Variants in CDKAL1 observed in about 807,000 individuals in gnomAD.
The protein encoded by CDKAL1 is threonylcarbamoyladenosine tRNA methylthiotransferase.
Under a neutral mutation model 68.2 loss-of-function variants are expected in CDKAL1, and 32 were observed. The observed-to-expected ratio is 0.47, with a 90% confidence interval of 0.35 to 0.63. The LOEUF is 0.63. Ranked by LOEUF, CDKAL1 falls within the 30% of genes least tolerant of loss-of-function variation. CDKAL1 has a pLI of 0.00. For missense variants in CDKAL1, 606 were observed against 696.7 expected, an observed-to-expected ratio of 0.87 and a Z score of 1.47; for synonymous variants, 234 against 244.3, an observed-to-expected ratio of 0.96 and a Z score of 0.39.
chr6:21,171,090 A>C (rs1777366158), intron 13 of CDKAL1, among the ~76,000 whole-genome samples: 1 of 152,226 alleles, frequency 6.6e-6, no homozygotes, highest in African/African-American at 2.4e-5. Flanking sequence ...GAAACAATAA[A>C]AAAATAATTA....
intron 13 of CDKAL1, among the ~76,000 whole-genome samples, chr6:21,145,940 C>A (rs1776144995): frequency 1.3e-5 from 2 of 152,146 alleles, no homozygotes; most frequent in Admixed American, 1.3e-4. Context: ...TGGCTGATTC[C>A]ATAGTTCAGT....
intron 9 of CDKAL1, among the ~76,000 whole-genome samples, chr6:20,896,242 A>G (rs1028653392): frequency 2.0e-5 from 3 of 151,472 alleles, no homozygotes; most frequent in Non-Finnish European, 4.4e-5. Context: ...CTGAGACTAC[A>G]GGCTCCGCCA....
intron 4 of CDKAL1, among the ~76,000 whole-genome samples, chr6:20,611,270 G>GGA (rs1422529913): frequency 3.3e-5 from 5 of 152,136 alleles, no homozygotes; most frequent in Non-Finnish European, 7.4e-5. Flanking sequence ...AAGGTTTTAA[G>GGA]TTTGTCCTTA....
chr6:20,730,312 G>GAAAGA (rs1772850856), intron 5 of CDKAL1, among the ~76,000 whole-genome samples: 1 of 141,242 alleles, frequency 7.1e-6, no homozygotes, highest in Non-Finnish European at 1.5e-5. Context: ...GAAAGAAAGA[G>GAAAGA]AAAGAAAAGA....
chr6:21,046,670 G>A (rs1770248212), intron 11 of CDKAL1, among the ~76,000 whole-genome samples: 1 of 152,176 alleles, frequency 6.6e-6, no homozygotes, highest in Admixed American at 6.5e-5. Flanking sequence ...AAGTGACAGG[G>A]CCTTCACATA....
At chr6:21,140,582 A>G (rs1055049773) in intron 13 of CDKAL1, among the ~76,000 whole-genome samples, 1 of 152,184 alleles carries the variant, frequency 6.6e-6, no homozygotes. Flanking sequence ...TCAAGGGGCT[A>G]TATGGAAATA....
chr6:20,551,238 A>G (rs1268262903), intron 4 of CDKAL1, among the ~76,000 whole-genome samples: 1 of 152,000 alleles, frequency 6.6e-6, no homozygotes, highest in African/African-American at 2.4e-5. Flanking sequence ...GCTCCTGACC[A>G]TTGTTCTGTA....
At chr6:20,963,654 T>C (rs1327850333) in intron 10 of CDKAL1, among the ~76,000 whole-genome samples, 1 of 152,246 alleles carries the variant, frequency 6.6e-6, no homozygotes, top group Non-Finnish European at 1.5e-5. Flanking sequence ...GTGCCAGGTG[T>C]ATTTTCTGGG....
chr6:20,731,687 G>C (rs1323312675), intron 5 of CDKAL1, among the ~76,000 whole-genome samples: 1 of 152,154 alleles, frequency 6.6e-6, no homozygotes, highest in Non-Finnish European at 1.5e-5. Flanking sequence ...TAGAGAAGTG[G>C]AAACATGTGT....
chr6:20,642,104 A>G (rs938149042), intron 4 of CDKAL1, among the ~76,000 whole-genome samples: 4 of 152,186 alleles, frequency 2.6e-5, no homozygotes, highest in African/African-American at 7.2e-5. Context: ...TGCGAGATCA[A>G]TGTATATCAG....
rs745786047 is a variant in CDKAL1, at chr6:20,603,768, A to ATTTTTTTTTT, written c.287-45508_287-45499dup. ...ACATTGATTAATGGGCAGTTGCTAA[A>ATTTTTTTTTT]TTTTTTTTTTTTTTTTTTTTTTTTT... On this transcript the variant is annotated intron_variant, in intron 4 of 15. Coordinates refer to ENST00000274695, the MANE Select transcript of CDKAL1 (RefSeq NM_017774.3). Among the ~76,000 whole-genome samples the ATTTTTTTTTT allele has an allele frequency of 8.7e-3, 737 of 85,188 alleles. 96 individuals are homozygous for ATTTTTTTTTT. The highest frequency in any genetic ancestry group is 0.032 in the African/African-American group (692 of 21,326). 55.9% of individuals were successfully genotyped at this position (85,188 alleles called of 152,430 possible).
intron 8 of CDKAL1, among the ~76,000 whole-genome samples, chr6:20,796,033 A>G (rs1776096646): frequency 6.6e-6 from 1 of 152,210 alleles, no homozygotes; most frequent in African/African-American, 2.4e-5. Context: ...AATGTTAGAT[A>G]TACCAGGGCC....
intron 5 of CDKAL1, among the ~76,000 whole-genome samples, chr6:20,734,375 G>C (rs1229571503): frequency 6.6e-6 from 1 of 152,028 alleles, no homozygotes; most frequent in Non-Finnish European, 1.5e-5. Flanking sequence ...GCTATCTGAA[G>C]TGAAGAAATG....
intron 13 of CDKAL1, 83 bp from the exon 14 acceptor site, chr6:21,197,938 C>T: frequency 1.3e-6 from 1 of 785,564 alleles, no homozygotes. Flanking sequence ...CCAGACCTAC[C>T]TGGGCTAGCC....
At chr6:20,863,349 A>C (rs1759745506) in intron 9 of CDKAL1, among the ~76,000 whole-genome samples, 2 of 152,220 alleles carry the variant, frequency 1.3e-5, no homozygotes, top group Non-Finnish European at 2.9e-5. Flanking sequence ...CATCATCAAT[A>C]GTGCTTACTA....
At chr6:20,884,601 G>C (rs1172466158) in intron 9 of CDKAL1, among the ~76,000 whole-genome samples, 4 of 152,158 alleles carry the variant, frequency 2.6e-5, no homozygotes, top group African/African-American at 9.7e-5. Context: ...AAATATAGAA[G>C]ATCCCAAAGA....
chr6:20,649,150 C>A, intron 4 of CDKAL1, 143 bp from the exon 5 acceptor site: 1 of 610,762 alleles, frequency 1.6e-6, no homozygotes, highest in Non-Finnish European at 2.9e-6. Context: ...CATGTTCTAG[C>A]AATTTTCTAC....
intron 10 of CDKAL1, among the ~76,000 whole-genome samples, chr6:20,998,141 G>A (rs771481543): frequency 3.9e-5 from 6 of 152,150 alleles, no homozygotes; most frequent in Non-Finnish European, 8.8e-5. Context: ...TGCCACTTTA[G>A]AAAACAAAGA....
At chr6:21,138,235 G>GTATGTGTGTGTA (rs144642823) in intron 13 of CDKAL1, among the ~76,000 whole-genome samples, 3 of 131,552 alleles carry the variant, frequency 2.3e-5, no homozygotes, top group African/African-American at 8.2e-5. Flanking sequence ...GTATGTGTGT[G>GTATGTGTGTGTA]TCTGTGTGTG....
Sources: allele counts gnomAD v4.1 joint callset (sites outside exome capture counted in the v4.1 genomes callset), GRCh38; gene constraint gnomAD v4.1.1; transcripts MANE v1.5; gene names NCBI Gene and HGNC (gene_info 2026-07-23, HGNC 2026-07-21).